Variants in PLA2G2E observed in about 807,000 individuals in gnomAD.
PLA2G2E encodes the protein phospholipase A2 group IIE, also known as group IIE secretory phospholipase A2.
A neutral mutation model predicts 16.5 loss-of-function variants in PLA2G2E; 14 were observed. That is an observed-to-expected ratio of 0.85 (90% CI 0.56 to 1.33). The LOEUF (loss-of-function observed/expected upper bound fraction) is 1.33. Ranked by LOEUF, PLA2G2E falls within the 40% of genes most tolerant of loss-of-function variation. The probability of loss-of-function intolerance (pLI) is 0.00; values close to 1 mark genes in which losing one functional copy is unlikely to be tolerated. For synonymous variants in PLA2G2E, 72 were observed against 77.2 expected, an observed-to-expected ratio of 0.93 and a Z score of 0.36; for missense variants, 174 against 190.7, an observed-to-expected ratio of 0.91 and a Z score of 0.52.
Position 19,923,603 on chromosome 1 carries a change from A to G in PLA2G2E, c.-44T>C, listed in dbSNP as rs1414907800. The stretch of plus-strand genomic sequence containing the variant: ...GAGGTGCACAAGGAGCATAAAAGGC[A>G]GCAGAAGAAAGCAGCAGGGCCACCT... On this transcript the variant is annotated 5_prime_UTR_variant, in exon 1 of 4. Transcript: ENST00000375116. 27 of 1,517,748 alleles carry G rather than the reference A, an allele frequency of 1.8e-5. No individual in the cohort carries two copies. The highest frequency in any genetic ancestry group is 2.4e-5 in the Non-Finnish European group (27 of 1,122,522). 94.0% of individuals were successfully genotyped at this position (1,517,748 alleles called of 1,614,324 possible).
chr1:19,923,239 T>A (rs757432028), intron 1 of PLA2G2E, among the ~76,000 whole-genome samples: 10 of 152,160 alleles, frequency 6.6e-5, no homozygotes, highest in Non-Finnish European at 1.3e-4. Context: ...GAGCCAAACA[T>A]GGAAGCTAGG....
Position 19,922,650 on chromosome 1 carries a change from C to T in PLA2G2E, c.146G>A (p.Gly49Asp), listed in dbSNP as rs1250455893. 6.2e-7 allele frequency: 1 copy of T among 1,614,104 alleles called. No individual in the cohort carries two copies. Among genetic ancestry groups the T allele is most frequent in the Admixed American group, 1.7e-5 (1 of 60,024 alleles). Residue 49 changes from glycine (G) to aspartate (D), a missense_variant, in exon 2 of 4, where the codon GGT (glycine) becomes GAT (aspartate). Gly to Asp is a moderately conservative substitution (Grantham distance 94, BLOSUM62 -1). Transcript: ENST00000375116. ...YNDYGCYCGI[G>D]GSHWPVDQTD... ...CTGGTCCACCGGCCAGTGGGAGCCA[C>T]CGATGCCGCAGTAACAGCCATAGTC...
In PLA2G2E at chr1:19,922,320, G is replaced by T. The variant is rs771769821; in HGVS notation, c.264C>A (p.Val88=). ...TACCGCAGAAAATGCCACGTTCGCTGACAGAGAAAAGATACTTTTCCAGTT... is the reference window on the plus strand; with the variant it reads ...TACCGCAGAAAATGCCACGTTCGCTTACAGAGAAAAGATACTTTTCCAGTT... ...EPKLEKYLFS[V]SERGIFCAGR... is the part of the protein sequence containing the mutation. The change falls in exon 3 of 4, where the codon GTC becomes GTA. Residue 88 remains valine, a synonymous_variant. Coordinates refer to ENST00000375116, the MANE Select transcript of PLA2G2E (RefSeq NM_014589.3). 2.5e-5 allele frequency: 40 copies of T among 1,613,742 alleles called. No individual in the cohort carries two copies. The highest frequency in any genetic ancestry group is 3.4e-5 in the Non-Finnish European group (40 of 1,179,780).
chr1:19,921,205 T>A (rs1184520676), intron 3 of PLA2G2E, among the ~76,000 whole-genome samples: 1 of 152,208 alleles, frequency 6.6e-6, no homozygotes, highest in Admixed American at 6.5e-5. Context: ...AGCCTTCGTC[T>A]CCCGTCAGGG....
chr1:19,921,202 G>A (rs1004899082), intron 3 of PLA2G2E, among the ~76,000 whole-genome samples: 1 of 152,162 alleles, frequency 6.6e-6, no homozygotes, highest in South Asian at 2.1e-4. Context: ...TTGAGCCTTC[G>A]TCTCCCGTCA....
Position 19,920,255 on chromosome 1 carries a change from A to G in PLA2G2E, c.*52T>C, listed in dbSNP as rs2045803408. ...GCCAATGTTCCCCAGGCCTGGGACT[A>G]CAGCAGCCCGAGGCGGGACCTCCAG... On this transcript the variant is annotated 3_prime_UTR_variant, in exon 4 of 4. Transcript: ENST00000375116. The surrounding 1 kb of genome is among the most constrained non-coding windows in gnomAD (Gnocchi z 4.3). 1.9e-6 allele frequency: 3 copies of G among 1,546,430 alleles called. No individual in the cohort carries two copies. In the Admixed American group the frequency reaches 5.2e-5, roughly 27 times the overall value.
intron 2 of PLA2G2E, 61 bp downstream of exon 2, chr1:19,922,556 C>T (rs1571199240): frequency 6.3e-7 from 1 of 1,596,054 alleles, no homozygotes; most frequent in East Asian, 2.2e-5. Context: ...TCCCAGGATC[C>T]TCCCAGGATC....
Position 19,922,368 on chromosome 1 carries a change from C to T in PLA2G2E, c.216G>A (p.Leu72=), listed in dbSNP as rs1406766788. ...GTTTGGGCTCACAGCCCAGCTTCTC[C>T]AGACGCCCGTAGCAGCAGTCGTGGG... ...CHAHDCCYGR[L]EKLGCEPKLE... The change falls in exon 3 of 4, where the codon CTG becomes CTA. Residue 72 remains leucine (L), a synonymous_variant. Coordinates refer to ENST00000375116, the MANE Select transcript of PLA2G2E (RefSeq NM_014589.3). 6.2e-7 allele frequency: 1 copy of T among 1,613,954 alleles called. No individual in the cohort carries two copies. The highest frequency in any genetic ancestry group is 8.5e-7 in the Non-Finnish European group (1 of 1,179,954).
At chr1:19,922,486 A>T in intron 2 of PLA2G2E, 82 bp from the exon 3 acceptor site, 1 of 1,542,766 alleles carries the variant, frequency 6.5e-7, no homozygotes, top group South Asian at 1.2e-5. Context: ...CCCGAGCCCA[A>T]AGCAGCCCAG....
At position 19,922,756 on chromosome 1, in the gene PLA2G2E, C is replaced by CTGCAGAGAGGGAGAGGGAGAGG. The variant is rs2045826179; in HGVS notation, c.41-23_41-2dup. 2 of 1,608,280 alleles carry CTGCAGAGAGGGAGAGGGAGAGG rather than the reference C, an allele frequency of 1.2e-6. No homozygotes were observed. Among genetic ancestry groups the CTGCAGAGAGGGAGAGGGAGAGG allele is most frequent in the East Asian group, 4.5e-5 (2 of 44,854 alleles). On this transcript the variant is annotated splice_acceptor_variant, in intron 1 of 3. Coordinates refer to ENST00000375116, the MANE Select transcript of PLA2G2E (RefSeq NM_014589.3). LOFTEE classifies it high-confidence loss of function. The stretch of plus-strand genomic sequence containing the variant: ...ACCAGGTTCCCGGTGACCAGAGCCA[C>CTGCAGAGAGGGAGAGGGAGAGG]TGCAGAGAGGGAGAGGGAGAGGGAG...
At chr1:19,922,855 T>A in intron 1 of PLA2G2E, 100 bp from the exon 2 acceptor site, 3 of 1,432,442 alleles carry the variant, frequency 2.1e-6, no homozygotes, top group Non-Finnish European at 1.9e-6. Context: ...TCTCTCCAGT[T>A]GTCCAGTTAA....
chr1:19,923,272 T>G (rs2045833263), intron 1 of PLA2G2E, among the ~76,000 whole-genome samples: 1 of 152,176 alleles, frequency 6.6e-6, no homozygotes, highest in Non-Finnish European at 1.5e-5. Context: ...GCCTAGGGTG[T>G]GCCATCCGGG....
intron 3 of PLA2G2E, among the ~76,000 whole-genome samples, chr1:19,921,757 T>C (rs879848159): frequency 1.3e-5 from 2 of 152,158 alleles, no homozygotes; most frequent in African/African-American, 2.4e-5. Context: ...CTCGACAGTC[T>C]CACTTGGTTG....
At chr1:19,922,525 G>GC in intron 2 of PLA2G2E, 92 bp downstream of exon 2, 2 of 1,557,720 alleles carry the variant, frequency 1.3e-6, no homozygotes, top group Non-Finnish European at 1.7e-6. Context: ...TTTTCCAGGT[G>GC]CCCCCAGGCT....
intron 2 of PLA2G2E, 44 bp downstream of exon 2, chr1:19,922,573 C>T (rs1211078760): frequency 1.4e-5 from 23 of 1,605,350 alleles, no homozygotes; most frequent in Non-Finnish European, 1.9e-5. Flanking sequence ...GATCCCCCAG[C>T]TCCTCCATCC....
At chr1:19,922,463 G>A in intron 2 of PLA2G2E, 59 bp from the exon 3 acceptor site, 1 of 1,559,058 alleles carries the variant, frequency 6.4e-7, no homozygotes. Flanking sequence ...TGGACCAGGG[G>A]CTGCTCGGGG....
chr1:19,921,597 C>G (rs910042514), intron 3 of PLA2G2E, among the ~76,000 whole-genome samples: 2 of 152,218 alleles, frequency 1.3e-5, no homozygotes, highest in Non-Finnish European at 2.9e-5. Context: ...AGCTCTGCCC[C>G]GCCGCCAGGA....
At chr1:19,921,868 T>G (rs1108975) in intron 3 of PLA2G2E, among the ~76,000 whole-genome samples, 19,836 of 152,232 alleles carry the variant, frequency 0.13, 1,352 homozygotes, top group East Asian at 0.17. Context: ...GACAGTCCCA[T>G]TGAGGAGTCA....
chr1:19,920,916 G>C lies in PLA2G2E; in HGVS notation c.287-467C>G, dbSNP rs969027283. ...CGTGGGCCTAGGCTGGAAGCCACTG[G>C]GACCAAAGCTGGAGGCTGCTCAGGG... On this transcript the variant is annotated intron_variant, in intron 3 of 3. Transcript: ENST00000375116. The surrounding 1 kb of genome is among the most constrained non-coding windows in gnomAD (Gnocchi z 4.3). 6.6e-6 allele frequency among the ~76,000 whole-genome samples: 1 copy of C among 152,204 alleles called. No individual in the cohort carries two copies. The highest frequency in any genetic ancestry group is 1.5e-5 in the Non-Finnish European group (1 of 68,038).
Sources: allele counts gnomAD v4.1 joint callset (sites outside exome capture counted in the v4.1 genomes callset), GRCh38; gene constraint gnomAD v4.1.1; non-coding constraint Gnocchi (gnomAD v3.1); transcripts MANE v1.5; gene names NCBI Gene and HGNC (gene_info 2026-07-23, HGNC 2026-07-21).